The following FGF2 variants were observed in gnomAD, a reference collection of about 807,000 sequenced individuals.
FGF2 encodes fibroblast growth factor 2, also known as basic fibroblast growth factor bFGF.
In FGF2, 13 loss-of-function variants were observed where a neutral mutation model predicts 15.9. The ratio of observed to expected loss-of-function variants is 0.82; its 90% CI spans 0.53 to 1.30. The LOEUF (loss-of-function observed/expected upper bound fraction) is 1.30, where lower values mean the gene tolerates loss of function less well. Among genes scored for constraint, FGF2 ranks in the 50% most tolerant of loss-of-function variants. The probability of loss-of-function intolerance (pLI) is 0.00; values close to 1 mark genes in which losing one functional copy is unlikely to be tolerated. For synonymous variants in FGF2, 90 were observed against 78.4 expected, an observed-to-expected ratio of 1.15 and a Z score of -0.78; for missense variants, 163 against 196.9, an observed-to-expected ratio of 0.83 and a Z score of 1.03.
intron 2 of FGF2, among the ~76,000 whole-genome samples, chr4:122,879,530 C>T (rs907880975): frequency 1.3e-5 from 2 of 152,162 alleles, no homozygotes; most frequent in Non-Finnish European, 2.9e-5. Context: ...CAGTGAATGC[C>T]TTGAGATTAG....
chr4:122,840,110 T>TAGAGGCCCCATCTGC (rs1725947696), intron 1 of FGF2, among the ~76,000 whole-genome samples: 2 of 152,096 alleles, frequency 1.3e-5, no homozygotes, highest in Admixed American at 1.3e-4. Context: ...ATCACATCTT[T>TAGAGGCCCCATCTGC]AGAGGCCCCA....
intron 1 of FGF2, among the ~76,000 whole-genome samples, chr4:122,844,970 C>G (rs2150768239): frequency 6.6e-6 from 1 of 152,168 alleles, no homozygotes; most frequent in East Asian, 1.9e-4. Flanking sequence ...TACCCAGATC[C>G]ATTGGAGGAA....
rs1727286151 is a variant in FGF2 at position 122,894,386 on chromosome 4, T to A, written c.*1990T>A. On this transcript the variant is annotated 3_prime_UTR_variant, in exon 3 of 3. Coordinates refer to ENST00000644866, the MANE Select transcript of FGF2 (RefSeq NM_001361665.2). The stretch of plus-strand genomic sequence containing the variant: ...CAGGAGGATCGCTTGAGCCCAGGAG[T>A]TCAAGACCAACCTGGTGAAACCCCG... The A allele has an allele frequency of 6.6e-6, 1 of 152,082 alleles. No homozygotes were observed. Among genetic ancestry groups the A allele is most frequent in the South Asian group, 2.1e-4 (1 of 4,806 alleles). 9.4% of individuals were successfully genotyped at this position (152,082 alleles called of 1,614,324 possible). A position where few individuals can be genotyped will look rare whatever the true frequency, so the allele number is the denominator to read the frequency against.
chr4:122,830,718 C>G (rs1481072709), intron 1 of FGF2, among the ~76,000 whole-genome samples: 3 of 147,626 alleles, frequency 2.0e-5, no homozygotes, highest in Non-Finnish European at 4.4e-5. Flanking sequence ...AACACTTTAT[C>G]CCAAGCAGCA....
At chr4:122,828,973 A>G (rs1725705923) in intron 1 of FGF2, among the ~76,000 whole-genome samples, 1 of 152,232 alleles carries the variant, frequency 6.6e-6, no homozygotes, top group Non-Finnish European at 1.5e-5. Context: ...ATTTATTAAA[A>G]AGCATGTATT....
At chr4:122,847,323 A>T (rs1726133254) in intron 1 of FGF2, among the ~76,000 whole-genome samples, 1 of 152,186 alleles carries the variant, frequency 6.6e-6, no homozygotes, top group Non-Finnish European at 1.5e-5. Context: ...CTGGATCAGA[A>T]CACAGAGGAC....
chr4:122,827,451 G>A lies in FGF2; in HGVS notation c.178+99G>A. ...CACCCTCCTCCCGGATCTTCACTGC[G>A]ACCCTAGCGCTCCGTGTGGTTTCTG... On this transcript the variant is annotated intron_variant, in intron 1 of 2. Transcript: ENST00000644866. This position sits in a 1 kb window ranked among gnomAD's most constrained non-coding sequence, Gnocchi z 4.2. 1 of 1,371,854 alleles carries A rather than the reference G, an allele frequency of 7.3e-7. No homozygotes were observed. Among genetic ancestry groups the A allele is most frequent in the Non-Finnish European group, 1.0e-6 (1 of 977,552 alleles). The allele number at this position is 1,371,854 out of a possible 1,614,324, so 85.0% of individuals were successfully genotyped here.
intron 1 of FGF2, among the ~76,000 whole-genome samples, chr4:122,867,547 T>G (rs1726626700): frequency 6.6e-6 from 1 of 152,204 alleles, no homozygotes; most frequent in Non-Finnish European, 1.5e-5. Context: ...GATTTCACTT[T>G]GTTGCCCAGG....
intron 1 of FGF2, among the ~76,000 whole-genome samples, chr4:122,842,210 C>T (rs1279621824): frequency 1.3e-5 from 2 of 152,096 alleles, no homozygotes; most frequent in African/African-American, 4.8e-5. Flanking sequence ...TTTATGGAAG[C>T]CTGCCTCAAC....
At chr4:122,855,941 CCTT>C (rs1726331640) in intron 1 of FGF2, among the ~76,000 whole-genome samples, 3 of 152,132 alleles carry the variant, frequency 2.0e-5, no homozygotes, top group Admixed American at 2.0e-4. Flanking sequence ...CGTACCCTCA[CCTT>C]CTAGTGAAAT....
intron 2 of FGF2, among the ~76,000 whole-genome samples, chr4:122,878,714 T>C (rs1181411399): frequency 6.6e-6 from 1 of 152,170 alleles, no homozygotes; most frequent in African/African-American, 2.4e-5. Flanking sequence ...GCCACTGTAA[T>C]AGTCCAAGCA....
intron 1 of FGF2, among the ~76,000 whole-genome samples, chr4:122,855,250 G>C (rs1011036994): frequency 6.6e-6 from 1 of 152,164 alleles, no homozygotes; most frequent in Non-Finnish European, 1.5e-5. Flanking sequence ...GGAAGAATTT[G>C]CCAAGAAAAG....
At chr4:122,866,600 C>A (rs150522018) in intron 1 of FGF2, among the ~76,000 whole-genome samples, 1,971 of 152,264 alleles carry the variant, frequency 0.013, 18 homozygotes, top group Non-Finnish European at 0.02. Flanking sequence ...CATTATTACC[C>A]ATCGAAGAAA....
intron 1 of FGF2, among the ~76,000 whole-genome samples, chr4:122,841,788 ACT>A (rs942498572): frequency 1.4e-4 from 22 of 152,324 alleles, no homozygotes; most frequent in African/African-American, 4.8e-4. Flanking sequence ...AGGAAAATTC[ACT>A]TAGTTATTTC....
chr4:122,874,646 A>G (rs181584685), intron 1 of FGF2, among the ~76,000 whole-genome samples: 4 of 152,136 alleles, frequency 2.6e-5, no homozygotes, highest in Admixed American at 2.0e-4. Context: ...TCTATTATTT[A>G]AAATAATATA....
chr4:122,890,754 C>T (rs1727154190), intron 2 of FGF2, among the ~76,000 whole-genome samples: 1 of 152,032 alleles, frequency 6.6e-6, no homozygotes, highest in Admixed American at 6.6e-5. Context: ...CCTGAAGTTT[C>T]CTAGATATGA....
At chr4:122,835,869 C>T (rs554277941) in intron 1 of FGF2, among the ~76,000 whole-genome samples, 9 of 152,126 alleles carry the variant, frequency 5.9e-5, no homozygotes, top group Admixed American at 6.5e-5. Context: ...TGTGTCATAA[C>T]GATTACTGTC....
chr4:122,856,681 T>C (rs1726348250), intron 1 of FGF2, among the ~76,000 whole-genome samples: 1 of 152,230 alleles, frequency 6.6e-6, no homozygotes, highest in South Asian at 2.1e-4. Flanking sequence ...TGTAAAAAGA[T>C]AATACAGGCA....
chr4:122,846,530 T>C (rs1247590948), intron 1 of FGF2, among the ~76,000 whole-genome samples: 1 of 152,176 alleles, frequency 6.6e-6, no homozygotes, highest in Non-Finnish European at 1.5e-5. Context: ...ATGCTGAAAA[T>C]ATTAGTCCAT....
Sources: allele counts gnomAD v4.1 joint callset (sites outside exome capture counted in the v4.1 genomes callset), GRCh38; gene constraint gnomAD v4.1.1; non-coding constraint Gnocchi (gnomAD v3.1); transcripts MANE v1.5; gene names NCBI Gene and HGNC (gene_info 2026-07-23, HGNC 2026-07-21).